OPA1: variants seen among roughly 807,000 people sequenced by gnomAD.
The protein encoded by OPA1 is dynamin-like GTPase OPA1, mitochondrial.
A neutral mutation model predicts 152.9 loss-of-function variants in OPA1; 59 were observed. The observed-to-expected ratio is 0.39, with a 90% CI of 0.31 to 0.48. OPA1 has a LOEUF of 0.48. Among genes scored for constraint, OPA1 ranks in the 20% least tolerant of loss-of-function variants. OPA1 has a pLI of 0.96. For synonymous variants in OPA1, 400 were observed against 389.9 expected, an observed-to-expected ratio of 1.03 and a Z score of -0.31; for missense variants, 1,008 against 1,216.8, an observed-to-expected ratio of 0.83 and a Z score of 2.55.
At chr3:193,601,534 A>G (rs1726463132) in intron 1 of OPA1, among the ~76,000 whole-genome samples, 1 of 152,194 alleles carries the variant, frequency 6.6e-6, no homozygotes, top group Non-Finnish European at 1.5e-5. Context: ...ATGAATCTGT[A>G]GCTCCTGAAT....
At chr3:193,676,142 T>C (rs1718939771) in intron 29 of OPA1, among the ~76,000 whole-genome samples, 1 of 152,238 alleles carries the variant, frequency 6.6e-6, no homozygotes, top group African/African-American at 2.4e-5. Context: ...TTTTTATGTT[T>C]ATTAGGAATT....
chr3:193,676,873 G>T (rs906390813), intron 29 of OPA1, among the ~76,000 whole-genome samples: 5 of 151,624 alleles, frequency 3.3e-5, no homozygotes, highest in Non-Finnish European at 4.4e-5. Flanking sequence ...CCCAGCTGCT[G>T]GGGAGGCTGA....
At chr3:193,666,655 G>A (rs1716620983) in intron 28 of OPA1, among the ~76,000 whole-genome samples, 1 of 152,068 alleles carries the variant, frequency 6.6e-6, no homozygotes, top group African/African-American at 2.4e-5. Flanking sequence ...CGGGCATGGT[G>A]GCACACATCT....
intron 29 of OPA1, among the ~76,000 whole-genome samples, chr3:193,685,391 TTCTTA>T (rs932407442): frequency 1.3e-5 from 2 of 152,308 alleles, no homozygotes; most frequent in African/African-American, 4.8e-5. Context: ...CTCACAGACT[TTCTTA>T]AGGTTGCTTT....
intron 1 of OPA1, among the ~76,000 whole-genome samples, chr3:193,598,883 G>A (rs1726022299): frequency 1.3e-5 from 2 of 152,230 alleles, no homozygotes; most frequent in Admixed American, 6.5e-5. Context: ...CTAAATGGAT[G>A]TAAGGATGTA....
rs192005385 is a variant in OPA1, at chr3:193,643,332, C to T, written c.1306-41C>T. The T allele has an allele frequency of 2.7e-5, 41 of 1,509,520 alleles. No individual in the cohort carries two copies. The Middle Eastern group carries it at 5.1e-4, about 19-fold the overall frequency. The allele number at this position is 1,509,520 out of a possible 1,614,324, so 93.5% of individuals were successfully genotyped here. On this transcript the variant is annotated intron_variant, in intron 13 of 30. Coordinates refer to ENST00000361510, the MANE Select transcript of OPA1 (RefSeq NM_130837.3). ...AAAAAAAATTCTTGACAAATTCCCC[C>T]CAAACTTTAGCATTGTTTTATTTTT...
intron 29 of OPA1, among the ~76,000 whole-genome samples, chr3:193,677,176 T>C (rs1719292510): frequency 6.6e-6 from 1 of 151,836 alleles, no homozygotes. Flanking sequence ...TCTACAATAA[T>C]GTATGGATTG....
At chr3:193,676,985 A>T (rs1377714760) in intron 29 of OPA1, among the ~76,000 whole-genome samples, 1 of 150,270 alleles carries the variant, frequency 6.7e-6, no homozygotes, top group Non-Finnish European at 1.5e-5. Context: ...GTCTCAAAAA[A>T]AAAAAAAAAA....
intron 23 of OPA1, 111 bp downstream of exon 23, chr3:193,657,343 TAATG>T: frequency 9.4e-7 from 1 of 1,067,522 alleles, no homozygotes; most frequent in South Asian, 1.4e-5. Context: ...GAATTAAAAA[TAATG>T]AAGTAAAGAA....
At chr3:193,642,429 A>C (rs574873406) in intron 11 of OPA1, among the ~76,000 whole-genome samples, 1 of 152,286 alleles carries the variant, frequency 6.6e-6, no homozygotes, top group Non-Finnish European at 1.5e-5. Context: ...TTAGTGTTTC[A>C]AGTTTTAGAG....
At chr3:193,604,363 A>G (rs182583033) in intron 1 of OPA1, among the ~76,000 whole-genome samples, 1 of 152,300 alleles carries the variant, frequency 6.6e-6, no homozygotes, top group Admixed American at 6.5e-5. Flanking sequence ...CTGGTACAGC[A>G]TTTTTAGTGA....
intron 29 of OPA1, among the ~76,000 whole-genome samples, chr3:193,676,707 G>A (rs113834508): frequency 1.3e-5 from 2 of 152,240 alleles, no homozygotes; most frequent in East Asian, 1.9e-4. Flanking sequence ...GTGGCCGGGT[G>A]TGGTGGCTCA....
At chr3:193,684,302 G>C in intron 29 of OPA1, among the ~76,000 whole-genome samples, 1 of 152,100 alleles carries the variant, frequency 6.6e-6, no homozygotes, top group East Asian at 1.9e-4. Flanking sequence ...AGTATCCAGA[G>C]AAATAGATGA....
At chr3:193,688,444 CTTTTCTTTTTTTTTTTTTTTTTTTT>C (rs1159301525) in intron 29 of OPA1, among the ~76,000 whole-genome samples, 9,500 of 38,260 alleles carry the variant, frequency 0.25, 2,446 homozygotes, top group Admixed American at 0.31. Context: ...TGAAATGGGT[CTTTTCTTTTTTTTTTTTTTTTTTTT>C]TTTTTTTTTT....
At position 193,626,109 on chromosome 3, in the gene OPA1, C is replaced by G. The variant is rs375209295; in HGVS notation, c.696C>G (p.Leu232=). Residue 232 remains leucine (L), a synonymous_variant, in exon 7 of 31, where the codon CTC becomes CTG. Transcript: ENST00000361510. The part of the protein sequence containing the change: ...KHFRKGLLGE[L]ILLQQQIQEH... ...CGTGGCAGGGTCTGCTTGGTGAGCT[C>G]ATTCTCTTACAACAACAAATTCAAG... 15 of 1,613,966 alleles carry G rather than the reference C, an allele frequency of 9.3e-6. No individual in the cohort carries two copies. Among genetic ancestry groups the G allele is most frequent in the Non-Finnish European group, 1.3e-5 (15 of 1,179,898 alleles).
chr3:193,647,618 AATCCTACCTG>A (rs1456428602), intron 19 of OPA1, among the ~76,000 whole-genome samples: 3 of 152,192 alleles, frequency 2.0e-5, no homozygotes, highest in Admixed American at 6.5e-5. Context: ...CCCATATGTA[AATCCTACCTG>A]ATCCTACCTA....
At chr3:193,635,356 A>G (rs1732769225) in intron 8 of OPA1, 62 bp from the exon 9 acceptor site, 11 of 983,486 alleles carry the variant, frequency 1.1e-5, no homozygotes, top group Middle Eastern at 5.2e-4. Context: ...TTTAATTTAG[A>G]CTTAATACTA....
At chr3:193,685,424 T>C (rs774687949) in intron 29 of OPA1, among the ~76,000 whole-genome samples, 9 of 152,206 alleles carry the variant, frequency 5.9e-5, no homozygotes, top group Non-Finnish European at 1.2e-4. Context: ...AATTATACTT[T>C]ATGGGGGTCA....
At chr3:193,611,545 C>T (rs892538893) in intron 1 of OPA1, among the ~76,000 whole-genome samples, 23 of 142,958 alleles carry the variant, frequency 1.6e-4, no homozygotes, top group Non-Finnish European at 2.8e-4. Context: ...TGCAGTGAGC[C>T]GAGATTGCGC....
Sources: gnomAD v4.1 joint callset for allele counts (sites outside exome capture counted in the v4.1 genomes callset) on GRCh38, gnomAD v4.1.1 for gene constraint, MANE v1.5 for transcripts, NCBI Gene and HGNC (gene_info 2026-07-23, HGNC 2026-07-21) for gene names.